The following ADAP1 variants were observed in gnomAD, a reference collection of about 807,000 sequenced individuals.
The protein encoded by ADAP1 is ArfGAP with dual PH domains 1.
In ADAP1, 31 loss-of-function variants were observed where a neutral mutation model predicts 54.9. The ratio of observed to expected loss-of-function variants is 0.56; its 90% confidence interval spans 0.42 to 0.76. ADAP1 has a LOEUF of 0.76. Ranked by LOEUF, ADAP1 falls within the 30% of genes least tolerant of loss-of-function variation. The probability of loss-of-function intolerance (pLI) is 0.00; values close to 1 mark genes in which losing one functional copy is unlikely to be tolerated. For synonymous variants in ADAP1, 313 were observed against 202.6 expected, an observed-to-expected ratio of 1.55 and a Z score of -4.63; for missense variants, 535 against 512.4, an observed-to-expected ratio of 1.04 and a Z score of -0.42.
rs545816898 is a variant in ADAP1, at chr7:920,353, G to A, written c.306-303C>T. ...GTGCCTCCCCTCTCCTTCCCACCTT[G>A]GCCTCAGCTGATGCCCCACAGGGCT... On this transcript the variant is annotated intron_variant, in intron 3 of 10. Transcript: ENST00000265846. The surrounding 1 kb of genome is among the most constrained non-coding windows in gnomAD (Gnocchi z 4.5). Among the ~76,000 whole-genome samples the A allele has an allele frequency of 1.3e-3, 201 of 152,162 alleles. No homozygotes were observed. Among genetic ancestry groups the A allele is most frequent in the Middle Eastern group, 0.01 (3 of 294 alleles).
intron 9 of ADAP1, 77 bp downstream of exon 9, chr7:899,342 C>G: frequency 6.2e-7 from 1 of 1,604,294 alleles, no homozygotes; most frequent in Non-Finnish European, 8.5e-7. Context: ...GGGAGGCCAC[C>G]CGCCCTCCTG....
At chr7:907,851 C>T (rs1015860159) in intron 4 of ADAP1, among the ~76,000 whole-genome samples, 17 of 152,250 alleles carry the variant, frequency 1.1e-4, no homozygotes, top group African/African-American at 4.1e-4. Flanking sequence ...ACGGGGCCGT[C>T]TGCCAAGCAT....
At chr7:921,821 G>A (rs1004161538) in intron 3 of ADAP1, among the ~76,000 whole-genome samples, 2 of 152,208 alleles carry the variant, frequency 1.3e-5, no homozygotes, top group Non-Finnish European at 2.9e-5. Flanking sequence ...TGTGGAAGCC[G>A]GGGGCCTGTG....
Position 900,585 on chromosome 7 carries a change from G to A in ADAP1, c.680C>T (p.Ala227Val). 6.2e-7 allele frequency: 1 copy of A among 1,610,824 alleles called. No homozygotes were observed. The highest frequency in any genetic ancestry group is 8.5e-7 in the Non-Finnish European group (1 of 1,179,300). ...CACCTGCAGGTAGTGGAAGCGAGCA[G>A]CTCGGAGTGCATTGAACCAGTCCAC... Reference protein sequence around the residue: ...EIVDWFNALRAARFHYLQVAF... With the variant: ...EIVDWFNALRVARFHYLQVAF... The change falls in exon 7 of 11, where the codon GCT (alanine) becomes GTT (valine). Residue 227 changes from alanine (A) to valine (V), a missense_variant. By Grantham distance (64) the Ala-to-Val change is moderately conservative (BLOSUM62 0). Coordinates refer to ENST00000265846, the MANE Select transcript of ADAP1 (RefSeq NM_006869.4).
rs1232176911 is a variant in ADAP1 at position 954,661 on chromosome 7, G to T, written c.-184C>A. ...CTCCGCCGCCGCCGCTCGTGTCTCC[G>T]CCGCGGTCGCTGAGCGAGTGCCGGC... On this transcript the variant is annotated 5_prime_UTR_variant, in exon 1 of 11. Coordinates refer to ENST00000265846, the MANE Select transcript of ADAP1 (RefSeq NM_006869.4). The T allele has an allele frequency of 8.1e-6, 8 of 982,292 alleles. No individual in the cohort carries two copies. Among genetic ancestry groups the T allele is most frequent in the Non-Finnish European group, 8.4e-6 (7 of 829,248 alleles). 60.8% of individuals were successfully genotyped at this position (982,292 alleles called of 1,614,324 possible).
intron 4 of ADAP1, among the ~76,000 whole-genome samples, chr7:919,025 G>A (rs977958473): frequency 2.0e-5 from 3 of 152,166 alleles, no homozygotes; most frequent in African/African-American, 7.2e-5. Flanking sequence ...GACCGAGGCT[G>A]GGGTGGGCTG....
chr7:914,858 G>A (rs377140349), intron 4 of ADAP1, among the ~76,000 whole-genome samples: 4 of 152,054 alleles, frequency 2.6e-5, no homozygotes, highest in Non-Finnish European at 4.4e-5. Flanking sequence ...CCAGGCCTTC[G>A]TGCCTACTGA....
At chr7:944,003 C>A (rs1847077213) in intron 1 of ADAP1, among the ~76,000 whole-genome samples, 1 of 151,984 alleles carries the variant, frequency 6.6e-6, no homozygotes, top group African/African-American at 2.4e-5. Flanking sequence ...GCAGCCTCGA[C>A]CTCCTGGATT....
chr7:900,590 G>A lies in ADAP1; in HGVS notation c.675C>T (p.Leu225=). The part of the protein sequence containing the change: ...GKEIVDWFNA[L]RAARFHYLQV... ...GCAGGTAGTGGAAGCGAGCAGCTCG[G>A]AGTGCATTGAACCAGTCCACAATCT... Residue 225 remains leucine (L), a synonymous_variant, in exon 7 of 11, where the codon CTC becomes CTT. Coordinates refer to ENST00000265846, the MANE Select transcript of ADAP1 (RefSeq NM_006869.4). 2 of 1,610,438 alleles carry A rather than the reference G, an allele frequency of 1.2e-6. No individual in the cohort carries two copies.
chr7:899,531 G>A (rs1189380097), intron 8 of ADAP1, 41 bp from the exon 9 acceptor site: 1 of 1,596,256 alleles, frequency 6.3e-7, no homozygotes, highest in African/African-American at 1.3e-5. Flanking sequence ...GGTCGCCGAG[G>A]CAGGCCCTAC....
intron 3 of ADAP1, among the ~76,000 whole-genome samples, chr7:923,617 G>A (rs952567116): frequency 6.6e-6 from 1 of 152,040 alleles, no homozygotes; most frequent in African/African-American, 2.4e-5. Flanking sequence ...CTTATAGCTG[G>A]GCAAACTGAG....
chr7:949,886 C>T (rs1847227202), intron 1 of ADAP1, among the ~76,000 whole-genome samples: 1 of 152,260 alleles, frequency 6.6e-6, no homozygotes, highest in Non-Finnish European at 1.5e-5. Context: ...ACCTGTCTAG[C>T]AGTTCTTCAA....
chr7:937,119 GC>G (rs1846788070), intron 1 of ADAP1, among the ~76,000 whole-genome samples: 1 of 105,614 alleles, frequency 9.5e-6, no homozygotes, highest in Admixed American at 9.5e-5. Context: ...TGGGGGTCAC[GC>G]CCGACCTCTG....
chr7:903,429 G>A (rs375344708), intron 6 of ADAP1, among the ~76,000 whole-genome samples: 3 of 152,160 alleles, frequency 2.0e-5, no homozygotes, highest in South Asian at 2.1e-4. Context: ...AATTCCCAAC[G>A]GGGGTTAGGA....
intron 2 of ADAP1, among the ~76,000 whole-genome samples, chr7:928,397 T>C (rs1846458771): frequency 6.6e-6 from 1 of 152,190 alleles, no homozygotes; most frequent in Non-Finnish European, 1.5e-5. Flanking sequence ...AAAAAATAAA[T>C]AAAAATGGGT....
intron 1 of ADAP1, among the ~76,000 whole-genome samples, chr7:939,670 A>C (rs1846887973): frequency 6.6e-6 from 1 of 151,884 alleles, no homozygotes; most frequent in African/African-American, 2.4e-5. Flanking sequence ...GTCTCTACTA[A>C]AAATACAAAA....
chr7:908,969 G>A (rs1845594128), intron 4 of ADAP1, among the ~76,000 whole-genome samples: 1 of 152,186 alleles, frequency 6.6e-6, no homozygotes, highest in Non-Finnish European at 1.5e-5. Flanking sequence ...TAGGCCACAG[G>A]GTGGGGACGC....
rs1256857141 is a variant in ADAP1, at chr7:921,007, C to T, written c.306-957G>A. ...GATGGGTGATGGGTCCCAGCTGGGTCTCTGGCCCCTGGCCCCAGGTGTGTG... is the reference window on the plus strand; with the variant it reads ...GATGGGTGATGGGTCCCAGCTGGGTTTCTGGCCCCTGGCCCCAGGTGTGTG... On this transcript the variant is annotated intron_variant, in intron 3 of 10. Transcript: ENST00000265846. The T allele has an allele frequency of 8.3e-6, 6 of 722,844 alleles. No homozygotes were observed. In the South Asian group the frequency reaches 9.2e-5, roughly 11 times the overall value. The allele number at this position is 722,844 out of a possible 1,614,324, so 44.8% of individuals were successfully genotyped here.
chr7:946,225 C>T lies in ADAP1; in HGVS notation c.82+8171G>A, dbSNP rs557020376. On this transcript the variant is annotated intron_variant, in intron 1 of 10. Coordinates refer to ENST00000265846, the MANE Select transcript of ADAP1 (RefSeq NM_006869.4). This position sits in a 1 kb window ranked among gnomAD's most constrained non-coding sequence, Gnocchi z 4.3. ...TTCCGCATATTGTCTCCCAGTTACC[C>T]GTGGCCCCTGCAGGGATCCAGGCTC... 1.4e-4 allele frequency among the ~76,000 whole-genome samples: 22 copies of T among 152,268 alleles called. No homozygotes were observed. Among genetic ancestry groups the T allele is most frequent in the African/African-American group, 4.8e-4 (20 of 41,550 alleles).
Sources: gnomAD v4.1 joint callset for allele counts (sites outside exome capture counted in the v4.1 genomes callset) on GRCh38, gnomAD v4.1.1 for gene constraint, Gnocchi (gnomAD v3.1) non-coding constraint, MANE v1.5 for transcripts, NCBI Gene and HGNC (gene_info 2026-07-23, HGNC 2026-07-21) for gene names.